PKP4: variants seen among roughly 807,000 people sequenced by gnomAD.
The protein encoded by PKP4 is plakophilin 4.
In PKP4, 90 loss-of-function variants were observed where a neutral mutation model predicts 145.1. The ratio of observed to expected loss-of-function variants is 0.62; its 90% CI spans 0.52 to 0.74. The LOEUF is 0.74. Ranked by LOEUF, PKP4 falls within the 30% of genes least tolerant of loss-of-function variation. The probability of loss-of-function intolerance (pLI) is 0.00; values close to 1 mark genes in which losing one functional copy is unlikely to be tolerated. For missense variants in PKP4, 1,340 were observed against 1,482.7 expected (o/e 0.90, Z 1.58); for synonymous variants, 563 against 577.2 (o/e 0.98, Z 0.35).
intron 1 of PKP4, among the ~76,000 whole-genome samples, chr2:158,475,600 G>A (rs1403673782): frequency 3.3e-5 from 5 of 152,154 alleles, no homozygotes; most frequent in Non-Finnish European, 5.9e-5. Flanking sequence ...CCTGTGTTGG[G>A]GCAGGTAAGA....
chr2:158,634,837 G>A (rs2053672663), intron 9 of PKP4, among the ~76,000 whole-genome samples: 6 of 152,106 alleles, frequency 3.9e-5, no homozygotes, highest in Admixed American at 3.9e-4. Context: ...AGCAAAAAGT[G>A]TTTGGCAAAT....
chr2:158,494,872 G>C (rs1330733678), intron 1 of PKP4, among the ~76,000 whole-genome samples: 6 of 144,282 alleles, frequency 4.2e-5, no homozygotes. Flanking sequence ...AATGATCATT[G>C]CTCTATTTTT....
intron 1 of PKP4, among the ~76,000 whole-genome samples, chr2:158,511,809 C>T (rs565558629): frequency 2.2e-4 from 33 of 152,058 alleles, no homozygotes; most frequent in African/African-American, 7.7e-4. Flanking sequence ...TTAAATTTTA[C>T]ACATGAAGTA....
chr2:158,666,533 G>A lies in PKP4; in HGVS notation c.2698G>A (p.Ala900Thr). ...CGTGGCAACAGCCTTGAGGAATATG[G>A]CACTAGATGTTCGCAACAAGGAGCT... ...SSVATALRNMALDVRNKELIG... is the reference protein window; with the variant it reads ...SSVATALRNMTLDVRNKELIG... The change falls in exon 16 of 22, where the codon GCA (alanine) becomes ACA (threonine). Residue 900 changes from alanine to threonine, a missense_variant. Transcript: ENST00000389759. 1 of 1,612,752 alleles carries A rather than the reference G, an allele frequency of 6.2e-7. No individual in the cohort carries two copies. Among genetic ancestry groups the A allele is most frequent in the Non-Finnish European group, 8.5e-7 (1 of 1,179,476 alleles).
chr2:158,654,054 G>GT (rs965833878), intron 11 of PKP4, among the ~76,000 whole-genome samples: 1 of 152,196 alleles, frequency 6.6e-6, no homozygotes, highest in African/African-American at 2.4e-5. Context: ...AGGCTTTTAA[G>GT]TTTAATTAAA....
At position 158,512,325 on chromosome 2, in the gene PKP4, T is replaced by C. The variant is rs374920610; in HGVS notation, c.-5-20855T>C. Among the ~76,000 whole-genome samples the C allele has an allele frequency of 4.6e-5, 7 of 152,214 alleles. No homozygotes were observed. The East Asian group carries it at 9.6e-4, about 21-fold the overall frequency. The stretch of plus-strand genomic sequence containing the variant: ...TAGACAATATCTCAGAATTAAGGCA[T>C]TGTTTTGGAAAAGGTGATTTAAACC... On this transcript the variant is annotated intron_variant, in intron 1 of 21. Transcript: ENST00000389759.
intron 6 of PKP4, among the ~76,000 whole-genome samples, chr2:158,623,656 A>G (rs1381462976): frequency 6.6e-6 from 1 of 152,148 alleles, no homozygotes; most frequent in Non-Finnish European, 1.5e-5. Context: ...CAGCCAGCCC[A>G]GTTGCATGCG....
In PKP4 at chr2:158,634,743, A is replaced by G. The variant is rs78358214; in HGVS notation, c.1562+454A>G. On this transcript the variant is annotated intron_variant, in intron 9 of 21. Transcript: ENST00000389759. ...TTTCAATCATAGTGGTCAACAATAT[A>G]TAACGCTGTTATTAACCAGGTCCTT... Among the ~76,000 whole-genome samples, 466 of 152,376 alleles carry G rather than the reference A, an allele frequency of 3.1e-3. 4 individuals are homozygous for G. Among genetic ancestry groups the G allele is most frequent in the African/African-American group, 0.01 (436 of 41,600 alleles).
chr2:158,673,923 C>T lies in PKP4; in HGVS notation c.3050C>T (p.Thr1017Ile). ...NQNHFITPVS[T>I]LERDRFKSHP... is the part of the protein sequence containing the mutation. ...AACCATTTTATTACACCTGTGTCGA[C>T]ATTGGAGCGAGACCGATTCAAATCA... The change falls in exon 19 of 22, where the codon ACA becomes ATA. Residue 1017 changes from threonine to isoleucine, a missense_variant. Thr to Ile is a moderately conservative substitution (Grantham distance 89). Transcript: ENST00000389759. The T allele has an allele frequency of 1.2e-6, 2 of 1,613,136 alleles. No homozygotes were observed. The highest frequency in any genetic ancestry group is 1.7e-6 in the Non-Finnish European group (2 of 1,179,046).
chr2:158,588,602 G>A (rs2048998613), intron 3 of PKP4, among the ~76,000 whole-genome samples: 1 of 152,030 alleles, frequency 6.6e-6, no homozygotes, highest in African/African-American at 2.4e-5. Flanking sequence ...ACAGATCCTA[G>A]TACATTGTAG....
chr2:158,658,403 CATCT>C, intron 12 of PKP4, 89 bp downstream of exon 12: 2 of 780,260 alleles, frequency 2.6e-6, no homozygotes, highest in Non-Finnish European at 4.1e-6. Context: ...ACTTTATTAA[CATCT>C]ATCTAAGTTT....
intron 2 of PKP4, among the ~76,000 whole-genome samples, chr2:158,542,675 C>T (rs991495186): frequency 3.3e-5 from 5 of 152,236 alleles, no homozygotes; most frequent in African/African-American, 1.2e-4. Context: ...AATGGATCAT[C>T]TCTGACAGGT....
intron 1 of PKP4, among the ~76,000 whole-genome samples, chr2:158,468,040 C>T (rs1271270366): frequency 1.3e-5 from 2 of 152,186 alleles, no homozygotes; most frequent in African/African-American, 4.8e-5. Context: ...AACCATTCAC[C>T]TGTTGTTTCC....
chr2:158,467,911 A>AT (rs940918441), intron 1 of PKP4, among the ~76,000 whole-genome samples: 2 of 152,054 alleles, frequency 1.3e-5, no homozygotes, highest in Non-Finnish European at 2.9e-5. Context: ...GATTTGGGAT[A>AT]TTTTTTCCCA....
intron 17 of PKP4, among the ~76,000 whole-genome samples, chr2:158,670,259 C>A (rs2057442959): frequency 6.6e-6 from 1 of 152,138 alleles, no homozygotes; most frequent in Admixed American, 6.5e-5. Context: ...GCCGGGAAAT[C>A]CAAGATCAGG....
intron 3 of PKP4, among the ~76,000 whole-genome samples, chr2:158,584,697 A>G (rs1200778523): frequency 6.6e-6 from 1 of 152,222 alleles, no homozygotes; most frequent in Non-Finnish European, 1.5e-5. Flanking sequence ...GATTAAAAGT[A>G]TATAGTTAGA....
chr2:158,634,312 T>C lies in PKP4; in HGVS notation c.1562+23T>C, dbSNP rs902409508. On this transcript the variant is annotated intron_variant, in intron 9 of 21. Transcript: ENST00000389759. ...CAGGCGAGTACCAGTTAGGAGTCTC[T>C]AGAAGGCTACAGTATTGCAGGAGTC... is the stretch of plus-strand genomic sequence containing the variant. 6.3e-6 allele frequency: 10 copies of C among 1,591,506 alleles called. No individual in the cohort carries two copies. The African/African-American group carries it at 1.2e-4, about 19-fold the overall frequency.
chr2:158,471,423 A>G (rs6711582), intron 1 of PKP4, among the ~76,000 whole-genome samples: 108,234 of 152,178 alleles, frequency 0.71, 39,051 homozygotes, highest in East Asian at 0.89. Context: ...AAGAACAATT[A>G]GATTGTCTGC....
chr2:158,483,558 C>T (rs1693690550), intron 1 of PKP4, among the ~76,000 whole-genome samples: 1 of 152,040 alleles, frequency 6.6e-6, no homozygotes, highest in Admixed American at 6.5e-5. Flanking sequence ...TAGAGACCAT[C>T]AGTGTGGCAG....
Sources: gnomAD v4.1 joint callset for allele counts (sites outside exome capture counted in the v4.1 genomes callset) on GRCh38, gnomAD v4.1.1 for gene constraint, MANE v1.5 for transcripts, NCBI Gene and HGNC (gene_info 2026-07-23, HGNC 2026-07-21) for gene names.